Variants in EXOC4 observed in about 807,000 individuals in gnomAD.
EXOC4 encodes SEC8-like 1.
In EXOC4, 71 loss-of-function variants were observed where a neutral mutation model predicts 107.2. That is an observed-to-expected ratio of 0.66 (90% CI 0.55 to 0.81). The LOEUF (loss-of-function observed/expected upper bound fraction) is 0.81. EXOC4 is among the 30% of genes least tolerant of loss of function. The pLI is 0.00. For missense variants in EXOC4, 1,108 were observed against 1,189.6 expected, an observed-to-expected ratio of 0.93 and a Z score of 1.01; for synonymous variants, 456 against 441.2, an observed-to-expected ratio of 1.03 and a Z score of -0.42.
At chr7:133,618,969 C>T (rs2151003929) in intron 9 of EXOC4, among the ~76,000 whole-genome samples, 1 of 152,086 alleles carries the variant, frequency 6.6e-6, no homozygotes, top group East Asian at 1.9e-4. Flanking sequence ...ATTTTGCTGG[C>T]TTGGAAGACT....
intron 9 of EXOC4, among the ~76,000 whole-genome samples, chr7:133,544,277 C>T (rs942726403): frequency 1.3e-5 from 2 of 151,858 alleles, no homozygotes; most frequent in African/African-American, 2.4e-5. Context: ...AATCACAGCA[C>T]GTTTAGGACT....
chr7:133,761,902 C>T (rs779629441), intron 10 of EXOC4, among the ~76,000 whole-genome samples: 27 of 152,284 alleles, frequency 1.8e-4, no homozygotes, highest in South Asian at 1.0e-3. Flanking sequence ...GCTTCTCCCT[C>T]CTGACATGAG....
the EXOC4 span, among the ~76,000 whole-genome samples, chr7:134,090,927 TC>T: frequency 6.6e-6 from 1 of 151,826 alleles, no homozygotes; most frequent in African/African-American, 2.4e-5. Context: ...AGACTCTAAC[TC>T]CTGTAAGTTG....
intron 11 of EXOC4, among the ~76,000 whole-genome samples, chr7:133,876,057 C>T (rs1212681627): frequency 6.6e-6 from 1 of 152,168 alleles, no homozygotes; most frequent in African/African-American, 2.4e-5. Flanking sequence ...GATGGATTCA[C>T]AGATAGGTAG....
At chr7:133,452,531 G>A (rs867535204) in intron 7 of EXOC4, among the ~76,000 whole-genome samples, 2 of 149,672 alleles carry the variant, frequency 1.3e-5, no homozygotes, top group Admixed American at 6.7e-5. Flanking sequence ...ACCCCCAATA[G>A]CCTCTGCCAT....
At chr7:133,349,660 T>C (rs991596783) in intron 5 of EXOC4, among the ~76,000 whole-genome samples, 2 of 152,188 alleles carry the variant, frequency 1.3e-5, no homozygotes, top group African/African-American at 4.8e-5. Context: ...TTCAAGACCC[T>C]GCCTGCAATT....
chr7:133,445,554 C>T (rs1390762572), intron 7 of EXOC4, among the ~76,000 whole-genome samples: 3 of 152,078 alleles, frequency 2.0e-5, no homozygotes, highest in Admixed American at 1.3e-4. Context: ...TGGGAAGTTA[C>T]AAAATAAAAT....
At chr7:133,287,052 C>G (rs892004957) in intron 2 of EXOC4, among the ~76,000 whole-genome samples, 3 of 152,134 alleles carry the variant, frequency 2.0e-5, no homozygotes, top group African/African-American at 7.2e-5. Context: ...AAATCCTACT[C>G]CAGGCTAAGG....
At chr7:133,627,136 G>T (rs1802475486) in intron 9 of EXOC4, among the ~76,000 whole-genome samples, 1 of 152,156 alleles carries the variant, frequency 6.6e-6, no homozygotes. Context: ...TTGTGTTAAG[G>T]TTCATAATGG....
intron 5 of EXOC4, among the ~76,000 whole-genome samples, chr7:133,331,587 T>A (rs1445955608): frequency 6.8e-6 from 1 of 147,846 alleles, no homozygotes; most frequent in Non-Finnish European, 1.5e-5. Flanking sequence ...TGCCTCAGCC[T>A]CCCCAGTAGC....
intron 11 of EXOC4, among the ~76,000 whole-genome samples, chr7:133,846,000 G>A (rs1295193007): frequency 1.3e-5 from 2 of 151,960 alleles, no homozygotes; most frequent in Admixed American, 6.6e-5. Flanking sequence ...TGTAATAACT[G>A]CCTTTTAATC....
At chr7:133,302,773 T>C (rs1407116589) in intron 3 of EXOC4, among the ~76,000 whole-genome samples, 2 of 152,170 alleles carry the variant, frequency 1.3e-5, no homozygotes, top group African/African-American at 4.8e-5. Context: ...CTACCTACCC[T>C]GTGAGACTGT....
chr7:134,011,880 C>T (rs1414887252), intron 17 of EXOC4, among the ~76,000 whole-genome samples: 2 of 151,368 alleles, frequency 1.3e-5, no homozygotes, highest in East Asian at 3.9e-4. Context: ...AATGGAAGTC[C>T]TTAATGAGAT....
intron 9 of EXOC4, among the ~76,000 whole-genome samples, chr7:133,595,018 A>T (rs1371613640): frequency 2.0e-5 from 3 of 152,146 alleles, no homozygotes; most frequent in African/African-American, 7.2e-5. Flanking sequence ...AAGGAAGTCA[A>T]AGAACCATGC....
chr7:134,023,343 C>T (rs966933061), intron 17 of EXOC4, among the ~76,000 whole-genome samples: 2 of 152,072 alleles, frequency 1.3e-5, no homozygotes, highest in Non-Finnish European at 1.5e-5. Flanking sequence ...CATACTGCAT[C>T]GTAGAGTATT....
chr7:133,963,006 C>T (rs1800981433), intron 14 of EXOC4, among the ~76,000 whole-genome samples: 1 of 152,218 alleles, frequency 6.6e-6, no homozygotes, highest in African/African-American at 2.4e-5. Context: ...AATATGTTTT[C>T]ACATGCTGCA....
chr7:133,847,571 G>C (rs1289332481), intron 11 of EXOC4, among the ~76,000 whole-genome samples: 1 of 134,940 alleles, frequency 7.4e-6, no homozygotes, highest in Non-Finnish European at 1.6e-5. Context: ...TTTTAGTAAA[G>C]ATGGAGTTTC....
intron 17 of EXOC4, among the ~76,000 whole-genome samples, chr7:134,019,090 C>T (rs1794972107): frequency 1.3e-5 from 2 of 152,074 alleles, no homozygotes; most frequent in Non-Finnish European, 2.9e-5. Context: ...CCACTACACC[C>T]GGCTAATTTT....
At chr7:133,373,421 G>A (rs967651974) in intron 6 of EXOC4, among the ~76,000 whole-genome samples, 1 of 152,110 alleles carries the variant, frequency 6.6e-6, no homozygotes, top group African/African-American at 2.4e-5. Context: ...TAGGCTGGGA[G>A]TACTACATAA....
Sources: gnomAD v4.1 joint callset for allele counts (sites outside exome capture counted in the v4.1 genomes callset) on GRCh38, gnomAD v4.1.1 for gene constraint, MANE v1.5 for transcripts, NCBI Gene and HGNC (gene_info 2026-07-23, HGNC 2026-07-21) for gene names.